Variants in MPC2 observed in about 807,000 individuals in gnomAD.
MPC2 encodes mitochondrial pyruvate carrier 2, also known as brain protein 44.
A neutral mutation model predicts 19.2 loss-of-function variants in MPC2; 19 were observed. The ratio of observed to expected loss-of-function variants is 0.99; its 90% confidence interval spans 0.69 to 1.45. The LOEUF (loss-of-function observed/expected upper bound fraction) is 1.45, where lower values mean the gene tolerates loss of function less well. Among genes scored for constraint, MPC2 ranks in the 40% most tolerant of loss-of-function variants. MPC2 has a pLI of 0.00. For missense variants in MPC2, 122 were observed against 153.0 expected, an observed-to-expected ratio of 0.80 and a Z score of 1.07; for synonymous variants, 61 against 54.3, an observed-to-expected ratio of 1.12 and a Z score of -0.54.
intron 2 of MPC2, 33 bp downstream of exon 2, chr1:167,935,700 G>T: frequency 6.6e-7 from 1 of 1,513,326 alleles, no homozygotes; most frequent in Non-Finnish European, 9.0e-7. Flanking sequence ...CGAGAAGGAA[G>T]GTCTCGATAA....
intron 1 of MPC2, 35 bp downstream of exon 1, chr1:167,936,904 G>T: frequency 6.3e-7 from 1 of 1,594,204 alleles, no homozygotes; most frequent in Non-Finnish European, 8.5e-7. Context: ...CCCGGCTCAG[G>T]CAGAGCCATG....
intron 2 of MPC2, among the ~76,000 whole-genome samples, chr1:167,934,136 A>C (rs1418613661): frequency 1.3e-5 from 2 of 152,226 alleles, no homozygotes; most frequent in Non-Finnish European, 2.9e-5. Flanking sequence ...CACATCCTGC[A>C]AGTGAAAGGT....
rs370451222 is a variant in MPC2, at chr1:167,920,660, A to T, written c.151-29T>A. On this transcript the variant is annotated intron_variant, in intron 3 of 5. Coordinates refer to ENST00000271373, the MANE Select transcript of MPC2 (RefSeq NM_001143674.4). ...CACATTAACGCATAGAAAGAAAAAA[A>T]GTATCACAAATGTGGAGTAATAGTT... 5.9e-4 allele frequency: 941 copies of T among 1,593,834 alleles called. 1 individual carries two copies. Among genetic ancestry groups the T allele is most frequent in the Non-Finnish European group, 7.4e-4 (871 of 1,171,024 alleles).
chr1:167,921,188 AAAT>A (rs1219596061), intron 3 of MPC2, among the ~76,000 whole-genome samples: 1 of 152,096 alleles, frequency 6.6e-6, no homozygotes, highest in Non-Finnish European at 1.5e-5. Context: ...TTAAAAGTAT[AAAT>A]ATCAGAAAAA....
intron 2 of MPC2, among the ~76,000 whole-genome samples, chr1:167,930,763 A>C (rs900916577): frequency 2.6e-5 from 4 of 152,208 alleles, no homozygotes; most frequent in Non-Finnish European, 5.9e-5. Context: ...CACTTTAAAC[A>C]TATTTCATTC....
At chr1:167,936,124 A>G (rs1452870448) in intron 1 of MPC2, 2 of 474,432 alleles carry the variant, frequency 4.2e-6, no homozygotes, top group Admixed American at 3.4e-5. Context: ...TGCCAAAATA[A>G]TCACCTCACC....
chr1:167,933,916 A>G (rs1215741827), intron 2 of MPC2, among the ~76,000 whole-genome samples: 1 of 152,336 alleles, frequency 6.6e-6, no homozygotes, highest in Admixed American at 6.5e-5. Flanking sequence ...TTTTAGAGAC[A>G]TTAGATCATC....
chr1:167,918,201 T>A lies in MPC2; in HGVS notation c.*122A>T. On this transcript the variant is annotated 3_prime_UTR_variant, in exon 6 of 6. Coordinates refer to ENST00000271373, the MANE Select transcript of MPC2 (RefSeq NM_001143674.4). ...TGCATTTTTCTATTGAATCAAGAAC[T>A]AGCTACCAGTTACAGTGCCTTCTAA... 1 of 686,576 alleles carries A rather than the reference T, an allele frequency of 1.5e-6. No homozygotes were observed. The highest frequency in any genetic ancestry group is 2.4e-6 in the Non-Finnish European group (1 of 415,388). 42.5% of individuals were successfully genotyped at this position (686,576 alleles called of 1,614,324 possible).
chr1:167,924,341 T>A lies in MPC2; in HGVS notation c.150+156A>T, dbSNP rs1670677507. 4 of 542,730 alleles carry A rather than the reference T, an allele frequency of 7.4e-6. No homozygotes were observed. The East Asian group carries it at 1.3e-4, about 18-fold the overall frequency. The allele number at this position is 542,730 out of a possible 1,614,324, so 33.6% of individuals were successfully genotyped here. On this transcript the variant is annotated intron_variant, in intron 3 of 5. Transcript: ENST00000271373. ...AACTAAAGTAGATAGTTGCTTTATG[T>A]AGAAAACGATATGTCTGAGAATATT... is the stretch of plus-strand genomic sequence containing the variant.
At chr1:167,925,272 C>T (rs1571510869) in intron 2 of MPC2, among the ~76,000 whole-genome samples, 2 of 151,564 alleles carry the variant, frequency 1.3e-5, no homozygotes, top group Admixed American at 6.6e-5. Context: ...ATGACTTTCT[C>T]GAAGCTAGTG....
intron 1 of MPC2, 67 bp downstream of exon 1, chr1:167,936,872 C>G (rs776464027): frequency 3.3e-6 from 5 of 1,519,072 alleles, no homozygotes; most frequent in Admixed American, 1.9e-5. Context: ...TCCCCTCCCC[C>G]ACGCGGTGGT....
intron 2 of MPC2, among the ~76,000 whole-genome samples, chr1:167,928,296 C>A (rs192665026): frequency 6.8e-5 from 10 of 147,484 alleles, no homozygotes; most frequent in African/African-American, 2.5e-4. Context: ...TGCAGTGAGC[C>A]GAGATCGCAC....
intron 2 of MPC2, 49 bp from the exon 3 acceptor site, chr1:167,924,586 T>C (rs1296474469): frequency 7.4e-7 from 1 of 1,354,250 alleles, no homozygotes; most frequent in African/African-American, 1.5e-5. Flanking sequence ...AAATATATTA[T>C]ACACGTCTTT....
chr1:167,917,926 C>T lies in MPC2; in HGVS notation c.*397G>A, dbSNP rs1670500888. ...TCCACTACCCATTTCTCAGTCTCTT[C>T]AGCAAAATTTCCTTTCACTTATAGC... On this transcript the variant is annotated 3_prime_UTR_variant, in exon 6 of 6. Coordinates refer to ENST00000271373, the MANE Select transcript of MPC2 (RefSeq NM_001143674.4). The T allele has an allele frequency of 6.4e-6, 1 of 156,924 alleles. No individual in the cohort carries two copies. Among genetic ancestry groups the T allele is most frequent in the Non-Finnish European group, 1.4e-5 (1 of 71,320 alleles). The allele number at this position is 156,924 out of a possible 1,614,324, so 9.7% of individuals were successfully genotyped here.
chr1:167,935,941 C>G (rs1671150431), intron 1 of MPC2, 43 bp from the exon 2 acceptor site: 2 of 895,340 alleles, frequency 2.2e-6, no homozygotes, highest in Admixed American at 4.3e-5. Flanking sequence ...GCCACGACGA[C>G]TCGCGTCCGC....
At chr1:167,924,590 C>G in intron 2 of MPC2, 53 bp from the exon 3 acceptor site, 2 of 1,285,060 alleles carry the variant, frequency 1.6e-6, no homozygotes, top group South Asian at 1.6e-5. Context: ...ATATTATACA[C>G]GTCTTTTAAC....
intron 2 of MPC2, among the ~76,000 whole-genome samples, chr1:167,934,418 C>T (rs1671002461): frequency 6.6e-6 from 1 of 152,152 alleles, no homozygotes; most frequent in African/African-American, 2.4e-5. Context: ...AAAATCTTTG[C>T]CACAAAACAC....
intron 2 of MPC2, among the ~76,000 whole-genome samples, chr1:167,932,808 C>CAAAA (rs965449372): frequency 3.6e-5 from 2 of 54,894 alleles, no homozygotes; most frequent in Admixed American, 1.8e-4. Context: ...GACTCTGTCT[C>CAAAA]AAAAAAAAAA....
Position 167,924,538 on chromosome 1 carries a change from C to T in MPC2, c.110-1G>A. 6.6e-7 allele frequency: 1 copy of T among 1,524,980 alleles called. No homozygotes were observed. The highest frequency in any genetic ancestry group is 8.8e-7 in the Non-Finnish European group (1 of 1,140,820). 94.5% of individuals were successfully genotyped at this position (1,524,980 alleles called of 1,614,324 possible). On this transcript the variant is annotated splice_acceptor_variant, in intron 2 of 5. Transcript: ENST00000271373. LOFTEE classifies it high-confidence loss of function. The stretch of plus-strand genomic sequence containing the variant: ...GCCCAGAAGAAAACTGTTCTGGGAC[C>T]TGAAAAAAAAAAGAAAAGAAAAATT...
Sources: gnomAD v4.1 joint callset for allele counts (sites outside exome capture counted in the v4.1 genomes callset) on GRCh38, gnomAD v4.1.1 for gene constraint, MANE v1.5 for transcripts, NCBI Gene and HGNC (gene_info 2026-07-23, HGNC 2026-07-21) for gene names.